The following PTPRN2 variants were observed in gnomAD, a reference collection of about 807,000 sequenced individuals.
PTPRN2 encodes the protein receptor-type tyrosine-protein phosphatase N2.
A neutral mutation model predicts 118.8 loss-of-function variants in PTPRN2; 74 were observed. The observed-to-expected ratio is 0.62, with a 90% CI of 0.52 to 0.76. PTPRN2 has a LOEUF of 0.76. Ranked by LOEUF, PTPRN2 falls within the 30% of genes least tolerant of loss-of-function variation. The probability of loss-of-function intolerance (pLI) is 0.00; values close to 1 mark genes in which losing one functional copy is unlikely to be tolerated. For synonymous variants in PTPRN2, 641 were observed against 608.0 expected, an observed-to-expected ratio of 1.05 and a Z score of -0.80; for missense variants, 1,481 against 1,394.4, an observed-to-expected ratio of 1.06 and a Z score of -0.99.
chr7:158,150,642 T>C (rs1439199365), intron 6 of PTPRN2, among the ~76,000 whole-genome samples: 1 of 152,022 alleles, frequency 6.6e-6, no homozygotes, highest in Non-Finnish European at 1.5e-5. Flanking sequence ...GCCCCTCTAA[T>C]TCCACCCTTG....
intron 12 of PTPRN2, among the ~76,000 whole-genome samples, chr7:157,737,719 G>A (rs1200103278): frequency 6.6e-6 from 1 of 152,246 alleles, no homozygotes; most frequent in Non-Finnish European, 1.5e-5. Context: ...AAGGGCCCTG[G>A]TCCTCGGGAG....
chr7:158,240,118 T>C (rs1410758202), intron 3 of PTPRN2, among the ~76,000 whole-genome samples: 2 of 152,338 alleles, frequency 1.3e-5, no homozygotes, highest in East Asian at 3.9e-4. Flanking sequence ...CATTATTTGA[T>C]GGAACAAGCA....
intron 12 of PTPRN2, among the ~76,000 whole-genome samples, chr7:157,715,573 C>T (rs567203085): frequency 3.9e-5 from 6 of 152,322 alleles, no homozygotes; most frequent in East Asian, 3.9e-4. Context: ...CCAGGCACTG[C>T]GCTGGTGTAA....
At chr7:157,924,178 G>A (rs1469074916) in intron 11 of PTPRN2, among the ~76,000 whole-genome samples, 1 of 152,190 alleles carries the variant, frequency 6.6e-6, no homozygotes, top group African/African-American at 2.4e-5. Flanking sequence ...AGGATGAGGG[G>A]GCGCGGCCAC....
At chr7:158,468,664 G>T (rs1353945430) in intron 2 of PTPRN2, among the ~76,000 whole-genome samples, 3 of 152,168 alleles carry the variant, frequency 2.0e-5, no homozygotes, top group African/African-American at 7.2e-5. Context: ...GGGTGCGCAG[G>T]GTGGTGGCAG....
intron 11 of PTPRN2, among the ~76,000 whole-genome samples, chr7:157,934,203 G>A (rs1799567344): frequency 6.6e-6 from 1 of 152,216 alleles, no homozygotes; most frequent in African/African-American, 2.4e-5. Flanking sequence ...CACCGTGAAT[G>A]CTGTTTTCTT....
intron 2 of PTPRN2, among the ~76,000 whole-genome samples, chr7:158,348,160 C>T (rs1291039410): frequency 6.6e-6 from 1 of 152,048 alleles, no homozygotes; most frequent in Non-Finnish European, 1.5e-5. Context: ...CAGGAGTGAA[C>T]AGGTGGACAA....
At position 157,794,475 on chromosome 7, in the gene PTPRN2, A is replaced by G. The variant is rs1804741956; in HGVS notation, c.1788+104198T>C. 6.6e-6 allele frequency among the ~76,000 whole-genome samples: 1 copy of G among 152,162 alleles called. No individual in the cohort carries two copies. Among genetic ancestry groups the G allele is most frequent in the Non-Finnish European group, 1.5e-5 (1 of 68,034 alleles). On this transcript the variant is annotated intron_variant, in intron 12 of 22. Coordinates refer to ENST00000389418, the MANE Select transcript of PTPRN2 (RefSeq NM_002847.5). This position sits in a 1 kb window ranked among gnomAD's most constrained non-coding sequence, Gnocchi z 5.2. ...GTCTGCCCCTATTCTTTGAAGCTTC[A>G]CTGCTTTCGGATAAGTATGAAAATA...
chr7:157,705,165 G>A (rs10949658), intron 12 of PTPRN2, among the ~76,000 whole-genome samples: 38,888 of 152,144 alleles, frequency 0.26, 5,471 homozygotes, highest in Non-Finnish European at 0.3. Flanking sequence ...AATTAGCTGG[G>A]CATGGTGGCA....
intron 12 of PTPRN2, among the ~76,000 whole-genome samples, chr7:157,896,562 T>G (rs374491382): frequency 0.03 from 1,181 of 39,952 alleles, no homozygotes; most frequent in Middle Eastern, 0.13. Flanking sequence ...CTGTCCCCCA[T>G]GCTCACGTGT....
At chr7:158,502,551 C>T (rs1398374421) in intron 1 of PTPRN2, among the ~76,000 whole-genome samples, 1 of 152,206 alleles carries the variant, frequency 6.6e-6, no homozygotes, top group African/African-American at 2.4e-5. Context: ...GGACGCCTTC[C>T]TCCCGGCTGC....
rs140577520 is a variant in PTPRN2 at position 158,392,541 on chromosome 7, C to T, written c.164-75609G>A. Reference sequence around the variant, plus strand: ...GCTCCACGTGGGGGCACGGCCCCAGCAGCCAGTGAGGATGGCAGAACATGT... The same window carrying T: ...GCTCCACGTGGGGGCACGGCCCCAGTAGCCAGTGAGGATGGCAGAACATGT... On this transcript the variant is annotated intron_variant, in intron 2 of 22. Transcript: ENST00000389418. Among the ~76,000 whole-genome samples the T allele has an allele frequency of 6.8e-3, 1,032 of 152,328 alleles. 12 individuals are homozygous for T. The highest frequency in any genetic ancestry group is 0.023 in the African/African-American group (972 of 41,580).
At chr7:157,841,651 G>A (rs1043530631) in intron 12 of PTPRN2, among the ~76,000 whole-genome samples, 4 of 152,196 alleles carry the variant, frequency 2.6e-5, no homozygotes, top group Non-Finnish European at 4.4e-5. Flanking sequence ...CTGGCCTGGC[G>A]GACTCTGAGG....
At chr7:158,077,053 C>T (rs112891303) in intron 11 of PTPRN2, among the ~76,000 whole-genome samples, 64 of 152,322 alleles carry the variant, frequency 4.2e-4, no homozygotes, top group African/African-American at 1.5e-3. Context: ...AAAATAAGCA[C>T]GTTTGTCTGC....
intron 1 of PTPRN2, among the ~76,000 whole-genome samples, chr7:158,571,686 G>A (rs534698524): frequency 1.3e-5 from 2 of 151,566 alleles, no homozygotes; most frequent in South Asian, 4.2e-4. Flanking sequence ...TTTATATGTT[G>A]GCATACTTCT....
intron 9 of PTPRN2, among the ~76,000 whole-genome samples, chr7:158,123,775 C>T (rs1006342647): frequency 4.6e-5 from 7 of 152,210 alleles, no homozygotes; most frequent in South Asian, 2.1e-4. Context: ...GTCTATATAG[C>T]GTCACCTTTA....
chr7:157,913,144 T>G (rs1306387644), intron 11 of PTPRN2, among the ~76,000 whole-genome samples: 1 of 152,240 alleles, frequency 6.6e-6, no homozygotes, highest in Non-Finnish European at 1.5e-5. Context: ...ATTTAACATA[T>G]GTATATATTC....
chr7:157,545,393 C>A (rs989353751), intron 22 of PTPRN2, among the ~76,000 whole-genome samples: 2 of 143,528 alleles, frequency 1.4e-5, no homozygotes, highest in Non-Finnish European at 3.0e-5. Context: ...TGTGGGTGTG[C>A]ACTGCGTGAG....
At chr7:157,574,308 G>T (rs781162044) in intron 19 of PTPRN2, 3 of 497,182 alleles carry the variant, frequency 6.0e-6, no homozygotes, top group Non-Finnish European at 8.6e-6. Flanking sequence ...CAGAAAAGGG[G>T]CTTTCCACAT....
Sources: gnomAD v4.1 joint callset for allele counts (sites outside exome capture counted in the v4.1 genomes callset) on GRCh38, gnomAD v4.1.1 for gene constraint, Gnocchi (gnomAD v3.1) non-coding constraint, MANE v1.5 for transcripts, NCBI Gene and HGNC (gene_info 2026-07-23, HGNC 2026-07-21) for gene names.